RABL2B: variants seen among roughly 807,000 people sequenced by gnomAD.
The protein encoded by RABL2B is rab-like protein 2B.
A neutral mutation model predicts 26.7 loss-of-function variants in RABL2B; 17 were observed. The observed-to-expected ratio is 0.64, with a 90% CI of 0.44 to 0.95. The LOEUF (loss-of-function observed/expected upper bound fraction) is 0.95, where lower values mean the gene tolerates loss of function less well. Ranked by LOEUF, RABL2B falls within the 40% of genes least tolerant of loss-of-function variation. The probability of loss-of-function intolerance (pLI) is 0.00; values close to 1 mark genes in which losing one functional copy is unlikely to be tolerated. For missense variants in RABL2B, 170 were observed against 277.2 expected (o/e 0.61, Z 2.75); for synonymous variants, 70 against 103.9 (o/e 0.67, Z 1.99).
intron 5 of RABL2B, 72 bp from the exon 6 acceptor site, chr22:50,770,088 C>T: frequency 4.4e-6 from 7 of 1,600,402 alleles, no homozygotes; most frequent in Non-Finnish European, 6.0e-6. Context: ...AGGTGACTCA[C>T]ACACCCAAGC....
At chr22:50,780,018 T>C (rs1398354195) in intron 2 of RABL2B, among the ~76,000 whole-genome samples, 2 of 152,058 alleles carry the variant, frequency 1.3e-5, no homozygotes, top group Non-Finnish European at 2.9e-5. Flanking sequence ...TTAAGCAGTA[T>C]GATCACCTGG....
Position 50,781,083 on chromosome 22 carries a change from A to G in RABL2B, c.107+1105T>C, listed in dbSNP as rs183987991. 1.8e-3 allele frequency among the ~76,000 whole-genome samples: 272 copies of G among 152,170 alleles called. 2 individuals are homozygous for G. Among genetic ancestry groups the G allele is most frequent in the African/African-American group, 5.7e-3 (235 of 41,520 alleles). On this transcript the variant is annotated intron_variant, in intron 2 of 8. Transcript: ENST00000691320. ...AGGCCGGGCGCGGTGGCTCATGCCT[A>G]TAATCCCAGCACTTTCGGAGGCTGA...
intron 1 of RABL2B, chr22:50,782,720 C>T (rs1314597691): frequency 5.2e-6 from 1 of 191,584 alleles, no homozygotes; most frequent in African/African-American, 2.6e-5. Context: ...GCTAGGGGGG[C>T]ACATAGAAAT....
chr22:50,769,455 C>A lies in RABL2B; in HGVS notation c.507G>T (p.Lys169Asn). 6.2e-7 allele frequency: 1 copy of A among 1,612,082 alleles called. No homozygotes were observed. The highest frequency in any genetic ancestry group is 8.5e-7 in the Non-Finnish European group (1 of 1,179,074). Residue 169 changes from lysine (K) to asparagine (N), a missense_variant and splice_region_variant, in exon 7 of 9, where the codon AAG (lysine) becomes AAT (asparagine). Coordinates refer to ENST00000691320, the MANE Select transcript of RABL2B (RefSeq NM_001130919.3). Reference sequence around the variant, plus strand: ...TAGCTACCTCTGCAGTCAACCACACCTTCACAACATTGGTACCATCAGCAG... The same window carrying A: ...TAGCTACCTCTGCAGTCAACCACACATTCACAACATTGGTACCATCAGCAG... ...VSAADGTNVV[K>N]LFNDAIRLAV...
chr22:50,775,537 CCT>C (rs1190596604), intron 5 of RABL2B, among the ~76,000 whole-genome samples: 1 of 152,088 alleles, frequency 6.6e-6, no homozygotes, highest in African/African-American at 2.4e-5. Flanking sequence ...ATGTTGAAGC[CCT>C]GAGCTTGCTG....
chr22:50,780,908 T>C (rs372574903), intron 2 of RABL2B, among the ~76,000 whole-genome samples: 167 of 152,348 alleles, frequency 1.1e-3, no homozygotes, highest in Middle Eastern at 6.8e-3. Flanking sequence ...CTGCCTGCCA[T>C]TTCTATTCTT....
At chr22:50,777,241 T>C (rs1391343955) in intron 3 of RABL2B, among the ~76,000 whole-genome samples, 5 of 152,202 alleles carry the variant, frequency 3.3e-5, no homozygotes, top group Admixed American at 6.5e-5. Context: ...ACTCTGGGGA[T>C]TAACAGCTTC....
At chr22:50,774,425 G>A (rs1338098963) in intron 5 of RABL2B, among the ~76,000 whole-genome samples, 4 of 150,716 alleles carry the variant, frequency 2.7e-5, no homozygotes, top group African/African-American at 9.8e-5. Context: ...GATACTCTGT[G>A]AGCAAACCCA....
chr22:50,775,727 C>A lies in RABL2B; in HGVS notation c.297+45G>T, dbSNP rs535331596. On this transcript the variant is annotated intron_variant, in intron 5 of 8. Coordinates refer to ENST00000691320, the MANE Select transcript of RABL2B (RefSeq NM_001130919.3). ...GCTGCTAGGCCCCTCACCCCTCAGG[C>A]CAGACTTGCCCAGTGCCTTTGTCCA... The A allele has an allele frequency of 9.1e-5, 147 of 1,612,084 alleles. 1 individual carries two copies. In the Admixed American group the frequency reaches 2.4e-3, roughly 27 times the overall value.
chr22:50,773,963 C>T (rs1355424092), intron 5 of RABL2B, among the ~76,000 whole-genome samples: 1 of 152,016 alleles, frequency 6.6e-6, no homozygotes, highest in Non-Finnish European at 1.5e-5. Context: ...GGCGTGATCT[C>T]GGCTCACTGC....
At chr22:50,780,612 C>G in intron 2 of RABL2B, 1 of 461,262 alleles carries the variant, frequency 2.2e-6, no homozygotes, top group Admixed American at 2.5e-5. Flanking sequence ...CATGCACTCA[C>G]CTTCCCTCAG....
At chr22:50,777,811 A>G in intron 3 of RABL2B, 141 bp downstream of exon 3, 1 of 1,339,702 alleles carries the variant, frequency 7.5e-7, no homozygotes, top group South Asian at 1.2e-5. Context: ...GCAAGAAACA[A>G]GTGCGGAACA....
chr22:50,779,354 G>A (rs2238838), intron 2 of RABL2B, among the ~76,000 whole-genome samples: 108,208 of 144,556 alleles, frequency 0.75, 41,228 homozygotes, highest in African/African-American at 0.88. Flanking sequence ...TGTCACATAC[G>A]CAGATGTTCC....
intron 5 of RABL2B, chr22:50,771,931 AT>A (rs1290737173): frequency 2.0e-5 from 3 of 151,896 alleles, no homozygotes; most frequent in Admixed American, 6.6e-5. Context: ...TTTTAAAGTA[AT>A]TTTTATGTTT....
intron 2 of RABL2B, among the ~76,000 whole-genome samples, chr22:50,780,949 G>A (rs1441082605): frequency 8.5e-5 from 13 of 152,092 alleles, no homozygotes; most frequent in Non-Finnish European, 1.8e-4. Context: ...GGGGATAAAG[G>A]GGGTGTTATT....
intron 6 of RABL2B, 67 bp from the exon 7 acceptor site, chr22:50,769,619 C>T: frequency 5.0e-6 from 8 of 1,604,362 alleles, no homozygotes; most frequent in Middle Eastern, 3.3e-4. Flanking sequence ...GAGGGGGGGG[C>T]CACTGGAGGC....
At chr22:50,777,826 C>T (rs1428844743) in intron 3 of RABL2B, 126 bp downstream of exon 3, 14 of 1,476,424 alleles carry the variant, frequency 9.5e-6, no homozygotes, top group Non-Finnish European at 1.3e-5. Flanking sequence ...GGAACAAAAC[C>T]TGTGCGTTCA....
intron 2 of RABL2B, among the ~76,000 whole-genome samples, chr22:50,779,495 C>T (rs1240020155): frequency 2.0e-5 from 3 of 152,060 alleles, no homozygotes; most frequent in Admixed American, 6.6e-5. Flanking sequence ...GTAAGTTTCC[C>T]CCATCACCCT....
At chr22:50,779,770 G>C (rs868976589) in intron 2 of RABL2B, among the ~76,000 whole-genome samples, 1 of 152,072 alleles carries the variant, frequency 6.6e-6, no homozygotes, top group South Asian at 2.1e-4. Context: ...GATCACTTGA[G>C]GTTAGGAATT....
Sources: allele counts gnomAD v4.1 joint callset (sites outside exome capture counted in the v4.1 genomes callset), GRCh38; gene constraint gnomAD v4.1.1; transcripts MANE v1.5; gene names NCBI Gene and HGNC (gene_info 2026-07-23, HGNC 2026-07-21).